WASF3: variants seen among roughly 807,000 people sequenced by gnomAD.
The protein encoded by WASF3 is WASP family member 3.
WASF3 carries 11 observed loss-of-function variants against 46.6 expected under a neutral mutation model. That is an observed-to-expected ratio of 0.24 (90% CI 0.15 to 0.39). The LOEUF (loss-of-function observed/expected upper bound fraction) is 0.39. Ranked by LOEUF, WASF3 falls within the 10% of genes least tolerant of loss-of-function variation. WASF3 has a pLI of 1.00. For missense variants in WASF3, 576 were observed against 669.8 expected, an observed-to-expected ratio of 0.86 and a Z score of 1.55; for synonymous variants, 242 against 259.7, an observed-to-expected ratio of 0.93 and a Z score of 0.65.
chr13:26,687,494 A>G lies in WASF3; in HGVS notation c.*1649A>G, dbSNP rs1008366347. 2.6e-5 allele frequency: 4 copies of G among 152,158 alleles called. No individual in the cohort carries two copies. Among genetic ancestry groups the G allele is most frequent in the Admixed American group, 2.6e-4 (4 of 15,270 alleles). 9.4% of individuals were successfully genotyped at this position (152,158 alleles called of 1,614,324 possible). On this transcript the variant is annotated 3_prime_UTR_variant, in exon 10 of 10. Transcript: ENST00000335327. ...GGCAGTGATTGTACAGAGCCTGTCC[A>G]TTGGGTGCAGTCATGTAGATCTGAA...
chr13:26,604,019 G>A (rs1880720641), intron 1 of WASF3, among the ~76,000 whole-genome samples: 2 of 152,176 alleles, frequency 1.3e-5, no homozygotes, highest in Non-Finnish European at 2.9e-5. Flanking sequence ...AGGTTGGTGT[G>A]GTCCTGCAGC....
intron 3 of WASF3, among the ~76,000 whole-genome samples, chr13:26,645,207 G>A (rs1430819955): frequency 6.6e-6 from 1 of 152,146 alleles, no homozygotes; most frequent in Non-Finnish European, 1.5e-5. Context: ...TCATCAATAA[G>A]ATTAGTGCCC....
At chr13:26,566,447 A>G (rs991912555) in intron 1 of WASF3, among the ~76,000 whole-genome samples, 8 of 152,256 alleles carry the variant, frequency 5.3e-5, no homozygotes, top group Non-Finnish European at 8.8e-5. Flanking sequence ...TGTACTATCA[A>G]TAAAGTTCTA....
In WASF3 at chr13:26,675,481, T is replaced by C. The variant is rs74040649; in HGVS notation, c.541-1068T>C. ...CCCTGACTTCCAGACTAGACACACA[T>C]ACACACACACACACACACACACACA... On this transcript the variant is annotated intron_variant, in intron 6 of 9. Coordinates refer to ENST00000335327, the MANE Select transcript of WASF3 (RefSeq NM_006646.6). 2.1e-4 allele frequency among the ~76,000 whole-genome samples: 30 copies of C among 145,760 alleles called. No individual in the cohort carries two copies. The South Asian group carries it at 4.3e-3, about 21-fold the overall frequency.
intron 6 of WASF3, among the ~76,000 whole-genome samples, chr13:26,676,084 T>C (rs1310330821): frequency 6.6e-6 from 1 of 152,256 alleles, no homozygotes; most frequent in East Asian, 1.9e-4. Flanking sequence ...GATTCACTTA[T>C]TCCGTAATCT....
intron 1 of WASF3, among the ~76,000 whole-genome samples, chr13:26,581,650 G>A (rs770796260): frequency 7.9e-5 from 12 of 152,060 alleles, no homozygotes; most frequent in Admixed American, 2.0e-4. Flanking sequence ...CAAAACCACT[G>A]CTTTTAAGGG....
intron 1 of WASF3, among the ~76,000 whole-genome samples, chr13:26,581,544 C>G (rs1879980957): frequency 6.6e-6 from 1 of 151,524 alleles, no homozygotes; most frequent in Non-Finnish European, 1.5e-5. Context: ...GGAAAACTTT[C>G]ACTTTTGTTC....
chr13:26,670,039 A>G (rs1443402585), intron 5 of WASF3, among the ~76,000 whole-genome samples: 1 of 152,218 alleles, frequency 6.6e-6, no homozygotes, highest in Non-Finnish European at 1.5e-5. Flanking sequence ...TCATCCTACT[A>G]TAAAGACACA....
intron 1 of WASF3, among the ~76,000 whole-genome samples, chr13:26,583,933 T>C (rs1314665032): frequency 2.0e-5 from 3 of 152,192 alleles, no homozygotes; most frequent in Non-Finnish European, 2.9e-5. Flanking sequence ...GTGATCCACT[T>C]AAAAAGGTTC....
intron 1 of WASF3, among the ~76,000 whole-genome samples, chr13:26,580,729 G>A (rs541180613): frequency 1.2e-4 from 18 of 151,062 alleles, no homozygotes; most frequent in African/African-American, 2.2e-4. Context: ...GGGTTCAAGC[G>A]ATTCTTCTGC....
intron 6 of WASF3, among the ~76,000 whole-genome samples, chr13:26,672,441 G>A (rs1044170823): frequency 4.6e-5 from 7 of 152,206 alleles, no homozygotes; most frequent in African/African-American, 1.2e-4. Context: ...CACGTTCAGC[G>A]GATAGGATTT....
At chr13:26,665,840 T>C (rs148372067) in intron 4 of WASF3, among the ~76,000 whole-genome samples, 19 of 152,338 alleles carry the variant, frequency 1.2e-4, no homozygotes, top group East Asian at 9.6e-4. Context: ...GGAGAAAATA[T>C]GCTTAAAAAG....
intron 9 of WASF3, among the ~76,000 whole-genome samples, chr13:26,684,707 G>C (rs1240713262): frequency 1.3e-5 from 2 of 152,148 alleles, no homozygotes; most frequent in Non-Finnish European, 2.9e-5. Context: ...CTCTCAAATG[G>C]TCCAGAGAAA....
chr13:26,592,775 A>G (rs1423582921), intron 1 of WASF3, among the ~76,000 whole-genome samples: 5 of 152,116 alleles, frequency 3.3e-5, no homozygotes, highest in African/African-American at 1.2e-4. Context: ...AGACATTCTT[A>G]TCAGTGTCTT....
At chr13:26,666,637 C>T (rs1436907616) in intron 4 of WASF3, among the ~76,000 whole-genome samples, 2 of 152,262 alleles carry the variant, frequency 1.3e-5, no homozygotes, top group East Asian at 1.9e-4. Context: ...CGGTGGCTCA[C>T]GCCTGTAATC....
intron 1 of WASF3, among the ~76,000 whole-genome samples, chr13:26,608,355 A>C (rs1314373605): frequency 6.6e-6 from 1 of 152,136 alleles, no homozygotes; most frequent in Non-Finnish European, 1.5e-5. Context: ...ATTTCTCTTT[A>C]TTTGCTCTCT....
intron 1 of WASF3, among the ~76,000 whole-genome samples, chr13:26,561,720 T>G (rs978357740): frequency 4.6e-5 from 7 of 152,234 alleles, no homozygotes; most frequent in African/African-American, 1.7e-4. Context: ...TGGAAACTAC[T>G]AGCTCAAGAT....
chr13:26,662,918 T>A (rs1189189079), intron 3 of WASF3, among the ~76,000 whole-genome samples: 1 of 152,264 alleles, frequency 6.6e-6, no homozygotes, highest in Non-Finnish European at 1.5e-5. Context: ...AGATTTTATC[T>A]TGAAATGACG....
At chr13:26,632,480 A>G (rs934206989) in intron 2 of WASF3, among the ~76,000 whole-genome samples, 1 of 152,076 alleles carries the variant, frequency 6.6e-6, no homozygotes, top group Admixed American at 6.5e-5. Context: ...ACGTTTATTG[A>G]TTTGCATATG....
Sources: gnomAD v4.1 joint callset for allele counts (sites outside exome capture counted in the v4.1 genomes callset) on GRCh38, gnomAD v4.1.1 for gene constraint, MANE v1.5 for transcripts, NCBI Gene and HGNC (gene_info 2026-07-23, HGNC 2026-07-21) for gene names.